Variants in PTPRM observed in about 807,000 individuals in gnomAD.
The protein encoded by PTPRM is protein tyrosine phosphatase receptor type M, also known as receptor-type tyrosine-protein phosphatase mu.
In PTPRM, 47 loss-of-function variants were observed where a neutral mutation model predicts 186.7. The observed-to-expected ratio is 0.25, with a 90% CI of 0.20 to 0.32. PTPRM has a LOEUF of 0.32. PTPRM is among the 10% of genes least tolerant of loss of function. The pLI, the probability that PTPRM is intolerant of heterozygous loss-of-function variation, is 1.00. For missense variants in PTPRM, 1,494 were observed against 1,865.0 expected, an observed-to-expected ratio of 0.80 and a Z score of 3.66; for synonymous variants, 668 against 674.9, an observed-to-expected ratio of 0.99 and a Z score of 0.16.
chr18:7,774,405 G>T, intron 2 of PTPRM, 134 bp downstream of exon 2: 1 of 1,050,654 alleles, frequency 9.5e-7, no homozygotes, highest in Non-Finnish European at 1.4e-6. Context: ...GGATTAGCTA[G>T]TGAGAGTGGT....
chr18:7,774,167 A>C lies in PTPRM; in HGVS notation c.92A>C (p.Glu31Ala), dbSNP rs1219083244. ...ATTTTAGGTGGCTGCCTCTTTGATG[A>C]GCCGTATAGCACATGTGGATATAGT... Reference protein sequence around the residue: ...ETFSGGCLFDEPYSTCGYSQS... With the variant: ...ETFSGGCLFDAPYSTCGYSQS... Residue 31 changes from glutamate to alanine, a missense_variant, in exon 2 of 33, where the codon GAG (glutamate) becomes GCG (alanine). Around this residue, in one of 3 missense-constraint regions of PTPRM, gnomAD observed 296 missense variants for 345.5 expected, o/e 0.86. Coordinates refer to ENST00000580170, the MANE Select transcript of PTPRM (RefSeq NM_001105244.2). The C allele has an allele frequency of 6.2e-7, 1 of 1,611,012 alleles. No homozygotes were observed. The highest frequency in any genetic ancestry group is 8.5e-7 in the Non-Finnish European group (1 of 1,177,532).
chr18:7,654,402 C>A (rs1473893937), intron 1 of PTPRM, among the ~76,000 whole-genome samples: 1 of 152,196 alleles, frequency 6.6e-6, no homozygotes, highest in Admixed American at 6.5e-5. Flanking sequence ...ATATAAAAAA[C>A]CCCACAAGCT....
chr18:7,650,251 C>T (rs1180286351), intron 1 of PTPRM, among the ~76,000 whole-genome samples: 1 of 152,058 alleles, frequency 6.6e-6, no homozygotes, highest in East Asian at 1.9e-4. Flanking sequence ...ATACTAAGGG[C>T]CAACTGCATT....
At position 7,854,016 on chromosome 18, in the gene PTPRM, G is replaced by A. The variant is rs560059608; in HGVS notation, c.197-34090G>A. ...GACCTAGACTGCTGAATTGAGAGTT[G>A]CAGAATTGGCCATTTGTTAGAATGC... On this transcript the variant is annotated intron_variant, in intron 2 of 32. Coordinates refer to ENST00000580170, the MANE Select transcript of PTPRM (RefSeq NM_001105244.2). Among the ~76,000 whole-genome samples, 8 of 152,318 alleles carry A rather than the reference G, an allele frequency of 5.3e-5. No individual in the cohort carries two copies. In the Middle Eastern group the frequency reaches 0.014, roughly 259 times the overall value.
intron 1 of PTPRM, among the ~76,000 whole-genome samples, chr18:7,589,297 T>C (rs1297121667): frequency 6.6e-6 from 1 of 152,200 alleles, no homozygotes; most frequent in East Asian, 1.9e-4. Context: ...GTGAGGGGTA[T>C]GGCTTTCTTT....
At chr18:7,796,780 C>T (rs145656318) in intron 2 of PTPRM, among the ~76,000 whole-genome samples, 133 of 152,298 alleles carry the variant, frequency 8.7e-4, no homozygotes, top group African/African-American at 3.1e-3. Context: ...CTAATTTAGC[C>T]AGTCATCTGG....
intron 9 of PTPRM, 86 bp from the exon 10 acceptor site, chr18:8,085,585 G>A (rs2090390230): frequency 6.2e-6 from 7 of 1,135,294 alleles, no homozygotes; most frequent in African/African-American, 6.1e-5. Context: ...GTCTGACAGT[G>A]CATACATCAG....
At chr18:8,151,805 C>T (rs111369944) in intron 14 of PTPRM, among the ~76,000 whole-genome samples, 6,656 of 152,004 alleles carry the variant, frequency 0.044, 329 homozygotes, top group African/African-American at 0.12. Flanking sequence ...AGAGGGGATC[C>T]CCTGGTCTGT....
intron 3 of PTPRM, among the ~76,000 whole-genome samples, chr18:7,893,375 C>G (rs2049177038): frequency 6.6e-6 from 1 of 152,156 alleles, no homozygotes; most frequent in Admixed American, 6.5e-5. Context: ...TATTTTGAAT[C>G]TTAGATTTAT....
At chr18:7,579,723 T>C (rs2036793391) in intron 1 of PTPRM, among the ~76,000 whole-genome samples, 1 of 152,210 alleles carries the variant, frequency 6.6e-6, no homozygotes, top group South Asian at 2.1e-4. Context: ...GAGCTGCATT[T>C]TGAGATGACT....
chr18:8,157,636 G>A (rs567444423), intron 14 of PTPRM, among the ~76,000 whole-genome samples: 1 of 152,312 alleles, frequency 6.6e-6, no homozygotes, highest in South Asian at 2.1e-4. Flanking sequence ...TCAGCCACTA[G>A]TATTCCTTAT....
intron 7 of PTPRM, chr18:8,018,006 C>T (rs1480318422): frequency 6.6e-6 from 1 of 152,204 alleles, no homozygotes; most frequent in Non-Finnish European, 1.5e-5. Context: ...TAAAATGTTA[C>T]ATGACCCAAG....
chr18:8,278,998 A>G (rs1396971779), intron 19 of PTPRM, among the ~76,000 whole-genome samples: 1 of 152,174 alleles, frequency 6.6e-6, no homozygotes, highest in Admixed American at 6.5e-5. Context: ...TAATGGGTGC[A>G]GCACACCAAC....
intron 14 of PTPRM, among the ~76,000 whole-genome samples, chr18:8,223,300 G>A (rs952023827): frequency 6.6e-6 from 1 of 152,192 alleles, no homozygotes; most frequent in Non-Finnish European, 1.5e-5. Flanking sequence ...CCATGTGGTA[G>A]TAATTCTAAG....
intron 7 of PTPRM, among the ~76,000 whole-genome samples, chr18:7,956,935 A>G (rs1055082286): frequency 6.6e-6 from 1 of 152,230 alleles, no homozygotes; most frequent in Non-Finnish European, 1.5e-5. Context: ...CATAATACAG[A>G]TGGTGAAAGT....
Position 8,219,792 on chromosome 18 carries a change from A to G in PTPRM, c.2301-24266A>G, listed in dbSNP as rs183437168. Among the ~76,000 whole-genome samples the G allele has an allele frequency of 3.9e-5, 6 of 152,328 alleles. No homozygotes were observed. In the East Asian group the frequency reaches 5.8e-4, roughly 15 times the overall value. ...TGTTTTAAGTTAAGATAAGCATGCT[A>G]TGTCAGAGTCAGCCACAATATGACC... On this transcript the variant is annotated intron_variant, in intron 14 of 32. Coordinates refer to ENST00000580170, the MANE Select transcript of PTPRM (RefSeq NM_001105244.2).
intron 1 of PTPRM, among the ~76,000 whole-genome samples, chr18:7,669,381 T>C (rs1409844108): frequency 6.6e-6 from 1 of 152,096 alleles, no homozygotes; most frequent in Non-Finnish European, 1.5e-5. Context: ...AAGCCCTGCT[T>C]GTGTTTAACT....
intron 1 of PTPRM, among the ~76,000 whole-genome samples, chr18:7,709,030 A>T (rs9963088): frequency 0.011 from 1,730 of 152,218 alleles, 35 homozygotes; most frequent in African/African-American, 0.039. Context: ...CCTCACTTTA[A>T]AAAGCACACT....
At chr18:7,727,202 G>T (rs1484050177) in intron 1 of PTPRM, among the ~76,000 whole-genome samples, 1 of 151,628 alleles carries the variant, frequency 6.6e-6, no homozygotes, top group Non-Finnish European at 1.5e-5. Context: ...TTGAATGGAG[G>T]GTCCATGACT....
Sources: gnomAD v4.1 joint callset for allele counts (sites outside exome capture counted in the v4.1 genomes callset) on GRCh38, gnomAD v4.1.1 for gene constraint, gnomAD v4.1.1 regional missense constraint, MANE v1.5 for transcripts, NCBI Gene and HGNC (gene_info 2026-07-23, HGNC 2026-07-21) for gene names.